The following GARIN2 variants were observed in gnomAD, a reference collection of about 807,000 sequenced individuals.
GARIN2 encodes the protein golgi associated RAB2 interactor family member 2.
the GARIN2 span, among the ~76,000 whole-genome samples, chr14:67,206,636 TC>T: frequency 6.6e-6 from 1 of 152,148 alleles, no homozygotes; most frequent in Admixed American, 6.6e-5. Flanking sequence ...TTCAAGATGA[TC>T]TAAGTAGACG....
the GARIN2 span, among the ~76,000 whole-genome samples, chr14:67,211,084 A>G: frequency 6.6e-6 from 1 of 152,166 alleles, no homozygotes; most frequent in Non-Finnish European, 1.5e-5. Context: ...TAGCTCTATG[A>G]TCTTGGGCAA....
At chr14:67,216,926 A>T in the GARIN2 span, among the ~76,000 whole-genome samples, 2 of 152,152 alleles carry the variant, frequency 1.3e-5, no homozygotes, top group Non-Finnish European at 2.9e-5. Flanking sequence ...CTGTTAAGTC[A>T]TTTGGTCTGT....
the GARIN2 span, among the ~76,000 whole-genome samples, chr14:67,227,089 C>T: frequency 6.6e-6 from 1 of 152,156 alleles, no homozygotes; most frequent in African/African-American, 2.4e-5. Context: ...CAGAGAGCTG[C>T]AAATGCAAAG....
the GARIN2 span, among the ~76,000 whole-genome samples, chr14:67,213,014 C>A: frequency 6.6e-6 from 1 of 151,056 alleles, no homozygotes; most frequent in South Asian, 2.1e-4. Context: ...CACCTGGGAA[C>A]TGGTTAAAGA....
chr14:67,224,154 G>C, the GARIN2 span, among the ~76,000 whole-genome samples: 1 of 152,036 alleles, frequency 6.6e-6, no homozygotes, highest in South Asian at 2.1e-4. Flanking sequence ...TAAGGTTTTG[G>C]GATAAAGTGG....
the GARIN2 span, among the ~76,000 whole-genome samples, chr14:67,211,207 G>T: frequency 1.3e-5 from 2 of 152,006 alleles, no homozygotes; most frequent in Non-Finnish European, 2.9e-5. Flanking sequence ...ACAATACCAG[G>T]CTCATGGTAA....
At chr14:67,208,792 G>A in the GARIN2 span, among the ~76,000 whole-genome samples, 1 of 151,892 alleles carries the variant, frequency 6.6e-6, no homozygotes, top group Non-Finnish European at 1.5e-5. Context: ...AGCTACTCGG[G>A]AGGCTGAGGC....
chr14:67,201,510 G>A, the GARIN2 span: 1 of 455,976 alleles, frequency 2.2e-6, no homozygotes, highest in African/African-American at 2.0e-5. Flanking sequence ...CATCCTGGTG[G>A]CTCTGTCTCC....
At chr14:67,193,944 C>CAAAAAAAAAAA in the GARIN2 span, among the ~76,000 whole-genome samples, 8 of 33,830 alleles carry the variant, frequency 2.4e-4, no homozygotes, top group East Asian at 1.4e-3. Flanking sequence ...GACCCTGTCT[C>CAAAAAAAAAAA]AAAAAAAAAC....
the GARIN2 span, chr14:67,200,622 A>G: frequency 5.4e-6 from 1 of 186,564 alleles, no homozygotes; most frequent in Admixed American, 6.4e-5. Context: ...TACTAGTGTG[A>G]GCTACCCACC....
the GARIN2 span, chr14:67,203,162 T>C: frequency 6.2e-7 from 1 of 1,614,020 alleles, no homozygotes; most frequent in Non-Finnish European, 8.5e-7. Flanking sequence ...GCATCTGTTT[T>C]TCCAGCTCCA....
the GARIN2 span, among the ~76,000 whole-genome samples, chr14:67,225,962 T>TGTGTGTGTGTGTGTGCGC: frequency 5.3e-5 from 6 of 113,490 alleles, no homozygotes; most frequent in Non-Finnish European, 9.6e-5. Flanking sequence ...TGTGTGTGTG[T>TGTGTGTGTGTGTGTGCGC]GCGCGCGCGC....
the GARIN2 span, chr14:67,198,212 T>C: frequency 6.2e-7 from 1 of 1,613,912 alleles, no homozygotes; most frequent in Non-Finnish European, 8.5e-7. Context: ...AGCAAGATGC[T>C]CTCTGCACCC....
chr14:67,205,960 G>A, the GARIN2 span, among the ~76,000 whole-genome samples: 1 of 152,180 alleles, frequency 6.6e-6, no homozygotes, highest in Non-Finnish European at 1.5e-5. Flanking sequence ...AAGACAGGTG[G>A]ATTGCTTGAG....
At chr14:67,199,109 C>A in the GARIN2 span, 1 of 1,231,450 alleles carries the variant, frequency 8.1e-7, no homozygotes, top group Non-Finnish European at 1.2e-6. Context: ...CCACTGTGTA[C>A]GTGGGGGGCC....
At chr14:67,217,663 T>A in the GARIN2 span, among the ~76,000 whole-genome samples, 9 of 152,314 alleles carry the variant, frequency 5.9e-5, no homozygotes, top group African/African-American at 2.2e-4. Flanking sequence ...CTTGAGCATT[T>A]TTTGTAAGGC....
chr14:67,215,509 T>TAAA, the GARIN2 span, among the ~76,000 whole-genome samples: 238 of 126,166 alleles, frequency 1.9e-3, no homozygotes, highest in African/African-American at 9.4e-3. Context: ...GTACAAAGAT[T>TAAA]AAAAAACAAC....
the GARIN2 span, chr14:67,199,125 G>A: frequency 7.1e-7 from 1 of 1,400,826 alleles, no homozygotes; most frequent in South Asian, 1.2e-5. Flanking sequence ...GGGCCTGAAT[G>A]AGAAGGTTAG....
At chr14:67,220,224 T>C in the GARIN2 span, among the ~76,000 whole-genome samples, 4 of 152,114 alleles carry the variant, frequency 2.6e-5, no homozygotes, top group African/African-American at 9.7e-5. Flanking sequence ...TGGCTTGGGC[T>C]CAGGAGCTCA....
Sources: gnomAD v4.1 joint callset for allele counts (sites outside exome capture counted in the v4.1 genomes callset) on GRCh38, gnomAD v4.1.1 for gene constraint, MANE v1.5 for transcripts, NCBI Gene and HGNC (gene_info 2026-07-23, HGNC 2026-07-21) for gene names.